The following DENND4C variants were observed in gnomAD, a reference collection of about 807,000 sequenced individuals.
DENND4C encodes DENN domain-containing protein 4C.
DENND4C carries 108 observed loss-of-function variants against 203.0 expected under a neutral mutation model. The ratio of observed to expected loss-of-function variants is 0.53; its 90% confidence interval spans 0.46 to 0.62. The LOEUF (loss-of-function observed/expected upper bound fraction) is 0.62, where lower values mean the gene tolerates loss of function less well. Ranked by LOEUF, DENND4C falls within the 20% of genes least tolerant of loss-of-function variation. DENND4C has a pLI of 0.00. For missense variants in DENND4C, 2,481 were observed against 2,301.2 expected, an observed-to-expected ratio of 1.08 and a Z score of -1.60; for synonymous variants, 871 against 792.4, an observed-to-expected ratio of 1.10 and a Z score of -1.67.
chr9:19,322,533 G>A (rs777903021), intron 12 of DENND4C, among the ~76,000 whole-genome samples: 1 of 151,898 alleles, frequency 6.6e-6, no homozygotes, highest in Non-Finnish European at 1.5e-5. Flanking sequence ...AGGCCGAGGT[G>A]GGCGGATCAC....
At chr9:19,249,049 C>T (rs1273058966) in intron 1 of DENND4C, among the ~76,000 whole-genome samples, 7 of 152,118 alleles carry the variant, frequency 4.6e-5, no homozygotes, top group Non-Finnish European at 1.0e-4. Context: ...TCTCGGTCTC[C>T]CAAAGTGCTG....
At chr9:19,328,687 CTAT>C (rs1818413769) in intron 16 of DENND4C, among the ~76,000 whole-genome samples, 1 of 151,770 alleles carries the variant, frequency 6.6e-6, no homozygotes, top group Non-Finnish European at 1.5e-5. Context: ...ATCTATCTAT[CTAT>C]CTATCTGTCT....
In DENND4C at chr9:19,326,104, T is replaced by A; in HGVS notation, c.2030T>A (p.Leu677Gln). The part of the protein sequence containing the change: ...DSAEDTRLIE[L>Q]DDSQKSEHTV... ...GCAGAAGATACCAGATTGATAGAAC[T>A]AGATGATTCACAGAAAAGTGAGCAT... The change falls in exon 15 of 33, where the codon CTA becomes CAA. Residue 677 changes from leucine to glutamine, a missense_variant. By Grantham distance (113) the Leu-to-Gln change is moderately radical. Around this residue, in one of 3 missense-constraint regions of DENND4C, gnomAD observed 2,289 missense variants for 2,113.3 expected, o/e 1.08. Coordinates refer to ENST00000434457, the MANE Select transcript of DENND4C (RefSeq NM_001330640.2). 6.2e-7 allele frequency: 1 copy of A among 1,612,894 alleles called. No homozygotes were observed. Among genetic ancestry groups the A allele is most frequent in the Non-Finnish European group, 8.5e-7 (1 of 1,179,570 alleles).
intron 30 of DENND4C, among the ~76,000 whole-genome samples, chr9:19,364,797 A>G (rs1424377777): frequency 6.6e-6 from 1 of 152,212 alleles, no homozygotes; most frequent in East Asian, 1.9e-4. Flanking sequence ...TGGGAGGCTG[A>G]GACAGGAGAA....
intron 1 of DENND4C, among the ~76,000 whole-genome samples, chr9:19,255,315 G>A (rs1429678330): frequency 6.6e-6 from 1 of 152,080 alleles, no homozygotes; most frequent in Admixed American, 6.6e-5. Context: ...TGAGCTAGAA[G>A]GATCACTTGA....
At chr9:19,274,097 C>A (rs892830551) in intron 1 of DENND4C, among the ~76,000 whole-genome samples, 1 of 151,964 alleles carries the variant, frequency 6.6e-6, no homozygotes, top group Non-Finnish European at 1.5e-5. Context: ...ACTGTTGATA[C>A]AAGCAACAAC....
At chr9:19,332,657 C>T (rs1407407054) in intron 17 of DENND4C, among the ~76,000 whole-genome samples, 3 of 150,072 alleles carry the variant, frequency 2.0e-5, no homozygotes, top group Non-Finnish European at 4.4e-5. Flanking sequence ...CCATCACATC[C>T]GGCCATGTTT....
intron 5 of DENND4C, among the ~76,000 whole-genome samples, chr9:19,294,738 A>G (rs1489527833): frequency 6.6e-6 from 1 of 152,236 alleles, no homozygotes; most frequent in Non-Finnish European, 1.5e-5. Context: ...TATTTGCTAC[A>G]ATATAGGTGA....
chr9:19,337,202 T>A (rs151202884), intron 20 of DENND4C, among the ~76,000 whole-genome samples: 1 of 152,300 alleles, frequency 6.6e-6, no homozygotes, highest in African/African-American at 2.4e-5. Flanking sequence ...AGTATGAATA[T>A]TAAAGAGGGA....
rs1290213791 is a variant in DENND4C, at chr9:19,319,185, ATATATACACG to A, written c.1807+2356_1807+2365del. On this transcript the variant is annotated intron_variant, in intron 12 of 32. Coordinates refer to ENST00000434457, the MANE Select transcript of DENND4C (RefSeq NM_001330640.2). ...ATCTCAAAAAAAAAAATATATGTAT[ATATATACACG>A]TATATACACATATATGTATATATAT... Among the ~76,000 whole-genome samples the A allele has an allele frequency of 8.1e-5, 12 of 148,296 alleles. No homozygotes were observed. The South Asian group carries it at 1.9e-3, about 23-fold the overall frequency.
At chr9:19,262,448 C>CTTTTTTTTT (rs59268086) in intron 1 of DENND4C, among the ~76,000 whole-genome samples, 13 of 134,196 alleles carry the variant, frequency 9.7e-5, no homozygotes, top group Admixed American at 2.2e-4. Context: ...TATATCATAT[C>CTTTTTTTTT]TTTTTTTTTT....
At chr9:19,242,060 T>C (rs936443276) in intron 1 of DENND4C, among the ~76,000 whole-genome samples, 3 of 152,164 alleles carry the variant, frequency 2.0e-5, no homozygotes, top group African/African-American at 7.2e-5. Context: ...ATGAGATTAT[T>C]CTATTTCAGC....
intron 16 of DENND4C, among the ~76,000 whole-genome samples, chr9:19,331,292 T>C (rs961497676): frequency 2.0e-5 from 3 of 150,104 alleles, no homozygotes; most frequent in African/African-American, 7.3e-5. Flanking sequence ...AACTTCCCAC[T>C]CCCTGGTTCA....
intron 10 of DENND4C, among the ~76,000 whole-genome samples, chr9:19,313,223 T>A (rs1841093942): frequency 6.6e-6 from 1 of 152,218 alleles, no homozygotes; most frequent in Non-Finnish European, 1.5e-5. Context: ...ACTCTTTTTT[T>A]AAGCAGTAAA....
chr9:19,283,628 T>TTG (rs1483157143), intron 2 of DENND4C, among the ~76,000 whole-genome samples: 80 of 148,392 alleles, frequency 5.4e-4, no homozygotes, highest in Non-Finnish European at 1.1e-3. Context: ...TTTTTTTTTT[T>TTG]GAGACAGAGT....
intron 9 of DENND4C, among the ~76,000 whole-genome samples, chr9:19,303,038 T>C (rs1449770436): frequency 6.6e-6 from 1 of 152,028 alleles, no homozygotes. Flanking sequence ...TTCTGACATA[T>C]AGGTTGAATA....
chr9:19,277,471 G>A (rs747730446), intron 2 of DENND4C, among the ~76,000 whole-genome samples: 1 of 152,154 alleles, frequency 6.6e-6, no homozygotes, highest in South Asian at 2.1e-4. Context: ...TGGATTGTTT[G>A]TTGCTGGTGT....
At chr9:19,363,056 T>C (rs1826828625) in intron 30 of DENND4C, among the ~76,000 whole-genome samples, 1 of 152,210 alleles carries the variant, frequency 6.6e-6, no homozygotes, top group Non-Finnish European at 1.5e-5. Context: ...GTCTAAAATC[T>C]AGAAAGGGAT....
At chr9:19,356,219 G>C (rs558059799) in intron 26 of DENND4C, among the ~76,000 whole-genome samples, 2 of 152,144 alleles carry the variant, frequency 1.3e-5, no homozygotes, top group South Asian at 4.2e-4. Flanking sequence ...AGGTGAGATA[G>C]AGATATTAAT....
Sources: gnomAD v4.1 joint callset for allele counts (sites outside exome capture counted in the v4.1 genomes callset) on GRCh38, gnomAD v4.1.1 for gene constraint, gnomAD v4.1.1 regional missense constraint, MANE v1.5 for transcripts, NCBI Gene and HGNC (gene_info 2026-07-23, HGNC 2026-07-21) for gene names.